The following POLA1 variants were observed in gnomAD, a reference collection of about 807,000 sequenced individuals.
POLA1 encodes the protein DNA polymerase alpha catalytic subunit.
A neutral mutation model predicts 124.0 loss-of-function variants in POLA1; 15 were observed. The ratio of observed to expected loss-of-function variants is 0.12; its 90% CI spans 0.08 to 0.19. The LOEUF (loss-of-function observed/expected upper bound fraction) is 0.19. Among genes scored for constraint, POLA1 ranks in the 10% least tolerant of loss-of-function variants. The probability of loss-of-function intolerance (pLI) is 1.00; values close to 1 mark genes in which losing one functional copy is unlikely to be tolerated. For missense variants in POLA1, 886 were observed against 1,103.4 expected (o/e 0.80, Z 2.79); for synonymous variants, 408 against 389.4 (o/e 1.05, Z -0.56).
chrX:24,959,879 A>G (rs938174484), intron 36 of POLA1, among the ~76,000 whole-genome samples: 4 of 111,565 alleles, frequency 3.6e-5, no homozygotes, highest in African/African-American at 9.8e-5. Context: ...CTTACATTAT[A>G]TTATTATATT....
chrX:24,816,622 G>A (rs894543356), intron 30 of POLA1, among the ~76,000 whole-genome samples: 14 of 111,601 alleles, frequency 1.3e-4, no homozygotes, highest in Non-Finnish European at 2.3e-4. Flanking sequence ...TAAGAGTTAC[G>A]ACTTAAGACT....
intron 26 of POLA1, among the ~76,000 whole-genome samples, chrX:24,769,761 C>T (rs2044987907): frequency 9.0e-6 from 1 of 111,677 alleles, no homozygotes; most frequent in South Asian, 3.7e-4. Context: ...AAATAGCACT[C>T]AGGTGATTGA....
chrX:24,761,549 C>A (rs1174414412), intron 26 of POLA1, among the ~76,000 whole-genome samples: 1 of 111,224 alleles, frequency 9.0e-6, no homozygotes, highest in Non-Finnish European at 1.9e-5. Flanking sequence ...GTTCTTGAGG[C>A]CACATGTAAC....
chrX:24,974,708 G>A (rs1040634112), intron 36 of POLA1, among the ~76,000 whole-genome samples: 31 of 111,274 alleles, frequency 2.8e-4, no homozygotes, highest in African/African-American at 9.2e-4. Flanking sequence ...CTGCATGCAG[G>A]GCTTAAAACC....
chrX:24,744,719 G>A, intron 23 of POLA1: 1 of 265,768 alleles, frequency 3.8e-6, no homozygotes, highest in Non-Finnish European at 6.8e-6. Context: ...TTGGGAGGCT[G>A]AGGCAGGCAG....
rs776859599 is a variant in POLA1 at position 24,742,117 on chromosome X, A to G, written c.2462A>G (p.Lys821Arg). 4.2e-6 allele frequency: 5 copies of G among 1,203,961 alleles called. No homozygotes were observed. The East Asian group carries it at 1.5e-4, about 36-fold the overall frequency. Residue 821 changes from lysine to arginine, a missense_variant, in exon 22 of 37, where the codon AAA becomes AGA. Lys to Arg is a conservative substitution (Grantham distance 26, BLOSUM62 2). Coordinates refer to ENST00000379068, the MANE Select transcript of POLA1 (RefSeq NM_001330360.2). ...CAGATTTTCAGAAAGCCTCAGCAAA[A>G]ACTGGTGGGTCCAAAACTGTGTAGT... Reference protein sequence around the residue: ...DKQIFRKPQQKLGDEDEEIDG... With the variant: ...DKQIFRKPQQRLGDEDEEIDG...
In POLA1 at chrX:24,837,668, G is replaced by T. The variant is rs781076763; in HGVS notation, c.3737-3984G>T. Among the ~76,000 whole-genome samples, 6 of 111,806 alleles carry T rather than the reference G, an allele frequency of 5.4e-5. No homozygotes were observed. In the East Asian group the frequency reaches 1.7e-3, roughly 31 times the overall value. ...AGATGTCCAGATATATGAAAGCCTG[G>T]ACTCATGCAAAAGATAAATGGTTTA... On this transcript the variant is annotated intron_variant, in intron 32 of 36. Transcript: ENST00000379068.
chrX:24,803,664 A>G (rs1193830132), intron 26 of POLA1, among the ~76,000 whole-genome samples: 8 of 110,872 alleles, frequency 7.2e-5, no homozygotes, highest in Admixed American at 3.9e-4. Context: ...TCACAACGCT[A>G]ATTATCCTTG....
chrX:24,868,434 A>G (rs1250038325), intron 34 of POLA1, among the ~76,000 whole-genome samples: 1 of 111,833 alleles, frequency 8.9e-6, no homozygotes, highest in African/African-American at 3.2e-5. Flanking sequence ...GTGCAATAGC[A>G]CTAAAAATCA....
Position 24,888,109 on chromosome X carries a change from C to T in POLA1, c.4151C>T (p.Thr1384Ile), listed in dbSNP as rs1244981037. ...GPLCPACMKATLQPEYSDKSL... is the reference protein window; with the variant it reads ...GPLCPACMKAILQPEYSDKSL... Reference sequence around the variant, plus strand: ...CTTTGCCCAGCCTGCATGAAAGCTACACTTCAACCAGAGGTAACAGTCTCA... The same window carrying T: ...CTTTGCCCAGCCTGCATGAAAGCTATACTTCAACCAGAGGTAACAGTCTCA... The change falls in exon 35 of 37, where the codon ACA becomes ATA. Residue 1384 changes from threonine (T) to isoleucine (I), a missense_variant. By Grantham distance (89) the Thr-to-Ile change is moderately conservative (BLOSUM62 -1). Transcript: ENST00000379068. 1 of 1,153,875 alleles carries T rather than the reference C, an allele frequency of 8.7e-7. No individual in the cohort carries two copies. Among genetic ancestry groups the T allele is most frequent in the South Asian group, 1.8e-5 (1 of 55,683 alleles).
At chrX:24,724,960 A>G (rs1180181670) in intron 12 of POLA1, among the ~76,000 whole-genome samples, 1 of 111,644 alleles carries the variant, frequency 9.0e-6, no homozygotes, top group African/African-American at 3.3e-5. Flanking sequence ...AGCCTGCTCA[A>G]AATACTGGCT....
intron 11 of POLA1, 148 bp downstream of exon 11, chrX:24,723,415 A>T: frequency 2.3e-6 from 1 of 443,546 alleles, no homozygotes; most frequent in Non-Finnish European, 3.9e-6. Flanking sequence ...GTGACCACTG[A>T]TTGTCAGCAA....
intron 35 of POLA1, among the ~76,000 whole-genome samples, chrX:24,891,470 T>C (rs769857279): frequency 8.9e-6 from 1 of 111,899 alleles, no homozygotes; most frequent in East Asian, 2.8e-4. Flanking sequence ...TTAATTCTAT[T>C]TGTGAGGTTC....
chrX:24,932,913 G>A (rs2047802659), intron 36 of POLA1, among the ~76,000 whole-genome samples: 1 of 111,424 alleles, frequency 9.0e-6, no homozygotes, highest in African/African-American at 3.3e-5. Flanking sequence ...ATAAGTGGTG[G>A]GATATAAACC....
intron 26 of POLA1, chrX:24,789,007 G>C: frequency 8.3e-7 from 1 of 1,210,057 alleles, no homozygotes; most frequent in Non-Finnish European, 1.1e-6. Flanking sequence ...TGTAGCTCTT[G>C]TCCGCCAGGT....
At chrX:24,964,508 A>G (rs1394229606) in intron 36 of POLA1, among the ~76,000 whole-genome samples, 2 of 113,023 alleles carry the variant, frequency 1.8e-5, no homozygotes, top group Non-Finnish European at 3.7e-5. Context: ...GCACACAAGA[A>G]GTATTGAAAT....
intron 18 of POLA1, among the ~76,000 whole-genome samples, 190 bp from the exon 19 acceptor site, chrX:24,737,435 G>A (rs1931345270): frequency 8.9e-6 from 1 of 111,941 alleles, no homozygotes; most frequent in South Asian, 3.8e-4. Flanking sequence ...CCTTGTTAAT[G>A]TCAAGGCTAA....
chrX:24,921,908 G>GTGTGTGTGTGTGTGTGTGT (rs1569363662), intron 35 of POLA1, among the ~76,000 whole-genome samples: 8 of 110,518 alleles, frequency 7.2e-5, no homozygotes, highest in African/African-American at 1.7e-4. Context: ...GTGTGTGTGT[G>GTGTGTGTGTGTGTGTGTGT]ATGGGGGTGG....
chrX:24,830,325 G>A, intron 32 of POLA1, among the ~76,000 whole-genome samples: 1 of 111,621 alleles, frequency 9.0e-6, no homozygotes, highest in Non-Finnish European at 1.9e-5. Flanking sequence ...CTGTCTGGTG[G>A]CATGTTGCAT....
Sources: allele counts gnomAD v4.1 joint callset (sites outside exome capture counted in the v4.1 genomes callset), GRCh38; gene constraint gnomAD v4.1.1; transcripts MANE v1.5; gene names NCBI Gene and HGNC (gene_info 2026-07-23, HGNC 2026-07-21).